CACNA1C: variants seen among roughly 807,000 people sequenced by gnomAD.
CACNA1C encodes calcium voltage-gated channel subunit alpha1 C.
Under a neutral mutation model 229.0 loss-of-function variants are expected in CACNA1C, and 30 were observed. That is an observed-to-expected ratio of 0.13 (90% confidence interval 0.10 to 0.18). The LOEUF is 0.18. Among genes scored for constraint, CACNA1C ranks in the 10% least tolerant of loss-of-function variants. The pLI is 1.00. For missense variants in CACNA1C, 1,658 were observed against 2,845.0 expected (o/e 0.58, Z 9.49); for synonymous variants, 1,114 against 1,132.5 (o/e 0.98, Z 0.33).
Position 2,633,838 on chromosome 12 carries a change from C to T in CACNA1C, c.3829-459C>T, listed in dbSNP as rs565608641. 38 of 636,478 alleles carry T rather than the reference C, an allele frequency of 6.0e-5. No homozygotes were observed. The highest frequency in any genetic ancestry group is 1.4e-4 in the South Asian group (7 of 49,582). 39.4% of individuals were successfully genotyped at this position (636,478 alleles called of 1,614,324 possible). On this transcript the variant is annotated intron_variant, in intron 29 of 46. Transcript: ENST00000399655. This position sits in a 1 kb window ranked among gnomAD's most constrained non-coding sequence, Gnocchi z 5.8. ...TTTTTTTTAATTTCCTGTTTTTACC[C>T]GCCTCCAGTCATGCCTTTTATTGAA...
At position 2,512,318 on chromosome 12, in the gene CACNA1C, G is replaced by T. The variant is rs1040236422; in HGVS notation, c.1218-494G>T. On this transcript the variant is annotated intron_variant, in intron 8 of 46. Coordinates refer to ENST00000399655, the MANE Select transcript of CACNA1C (RefSeq NM_000719.7). The surrounding 1 kb of genome is among the most constrained non-coding windows in gnomAD (Gnocchi z 4.3). ...TGAATGATTGGCTCTCAGGACCTGG[G>T]GCGAGTGAGTGGGCTTTGGTACACT... 2.6e-5 allele frequency among the ~76,000 whole-genome samples: 4 copies of T among 152,086 alleles called. No homozygotes were observed. The highest frequency in any genetic ancestry group is 5.9e-5 in the Non-Finnish European group (4 of 68,020).
chr12:2,442,693 A>T (rs958302632), intron 3 of CACNA1C, among the ~76,000 whole-genome samples: 1 of 152,234 alleles, frequency 6.6e-6, no homozygotes, highest in Non-Finnish European at 1.5e-5. Flanking sequence ...CTGTACAGGA[A>T]GCATAGTGCC....
At position 2,275,188 on chromosome 12, in the gene CACNA1C, G is replaced by A. The variant is rs2087189682; in HGVS notation, c.477+154758G>A. Among the ~76,000 whole-genome samples the A allele has an allele frequency of 2.0e-5, 3 of 152,214 alleles. No homozygotes were observed. Among genetic ancestry groups the A allele is most frequent in the Admixed American group, 1.3e-4 (2 of 15,288 alleles). ...TTAGTTGTGGCAGTGTGTTTGGTGT[G>A]TAATCATTGTCCTGCTAGCTAGCAG... On this transcript the variant is annotated intron_variant, in intron 3 of 46. Coordinates refer to ENST00000399655, the MANE Select transcript of CACNA1C (RefSeq NM_000719.7). This position sits in a 1 kb window ranked among gnomAD's most constrained non-coding sequence, Gnocchi z 4.1.
rs1441985226 is a variant in CACNA1C at position 2,682,555 on chromosome 12, A to G, written c.5450A>G (p.His1817Arg). ...CTTCATCTTGGATATTGTAGGTGCCACTCCCGGGAGAGCCAGGCAGCCATG... is the reference window on the plus strand; with the variant it reads ...CTTCATCTTGGATATTGTAGGTGCCGCTCCCGGGAGAGCCAGGCAGCCATG... ...VAWKLSSNRC[H>R]SRESQAAMAG... is the part of the protein sequence containing the mutation. Residue 1817 changes from histidine to arginine, a missense_variant, in exon 43 of 47, where the codon CAC becomes CGC. Transcript: ENST00000399655. 2 of 1,611,764 alleles carry G rather than the reference A, an allele frequency of 1.2e-6. No homozygotes were observed. Among genetic ancestry groups the G allele is most frequent in the South Asian group, 2.2e-5 (2 of 90,756 alleles).
At chr12:2,293,996 T>C (rs1308849754) in intron 3 of CACNA1C, among the ~76,000 whole-genome samples, 1 of 152,202 alleles carries the variant, frequency 6.6e-6, no homozygotes. Flanking sequence ...GAATCATTTA[T>C]TAACTTTCTA....
At chr12:2,675,727 G>A (rs1341354296) in intron 39 of CACNA1C, among the ~76,000 whole-genome samples, 2 of 152,268 alleles carry the variant, frequency 1.3e-5, no homozygotes, top group South Asian at 2.1e-4. Context: ...ATTATGTTCC[G>A]AGCCCAGAGA....
chr12:2,254,700 T>C (rs142073331), intron 3 of CACNA1C, among the ~76,000 whole-genome samples: 41 of 152,258 alleles, frequency 2.7e-4, no homozygotes, highest in Middle Eastern at 3.4e-3. Flanking sequence ...ATTGTGAGAT[T>C]TGCTATGGAG....
At chr12:1,976,583 C>T (rs2034435959) in intron 1 of CACNA1C, among the ~76,000 whole-genome samples, 2 of 152,122 alleles carry the variant, frequency 1.3e-5, no homozygotes, top group Admixed American at 1.3e-4. Context: ...CTGGGCAGAT[C>T]CCGAAGAGAA....
At chr12:2,265,871 T>C (rs2082198127) in intron 3 of CACNA1C, among the ~76,000 whole-genome samples, 1 of 152,238 alleles carries the variant, frequency 6.6e-6, no homozygotes, top group African/African-American at 2.4e-5. Context: ...CCTGCAGTTC[T>C]CTGTAGCCTC....
chr12:2,548,294 C>G (rs2099886052), intron 9 of CACNA1C, among the ~76,000 whole-genome samples: 1 of 152,214 alleles, frequency 6.6e-6, no homozygotes, highest in African/African-American at 2.4e-5. Context: ...TTTGGCTACT[C>G]ACTGCCCTCC....
intron 3 of CACNA1C, among the ~76,000 whole-genome samples, chr12:2,239,574 G>A (rs950330122): frequency 3.3e-5 from 5 of 152,106 alleles, no homozygotes; most frequent in Non-Finnish European, 7.4e-5. Context: ...ATTCTATCCC[G>A]ACAGTCTGTT....
intron 3 of CACNA1C, among the ~76,000 whole-genome samples, chr12:2,251,556 G>T (rs2075621171): frequency 1.3e-5 from 2 of 152,178 alleles, no homozygotes; most frequent in African/African-American, 4.8e-5. Context: ...CTGGCCTCCT[G>T]GATTCAGTGG....
At chr12:2,448,499 A>G (rs530168302) in intron 3 of CACNA1C, among the ~76,000 whole-genome samples, 6 of 151,842 alleles carry the variant, frequency 4.0e-5, no homozygotes, top group African/African-American at 1.5e-4. Flanking sequence ...TTTTGGAGGA[A>G]CTCGGCTAGT....
chr12:2,438,158 GGTA>G (rs931145609), intron 3 of CACNA1C, among the ~76,000 whole-genome samples: 4 of 77,598 alleles, frequency 5.2e-5, no homozygotes, highest in South Asian at 1.2e-3. Context: ...TAGTGGGGAT[GGTA>G]GTGGTGGTGG....
intron 3 of CACNA1C, among the ~76,000 whole-genome samples, chr12:2,356,522 C>T (rs1248677377): frequency 2.0e-5 from 3 of 152,342 alleles, no homozygotes; most frequent in Admixed American, 6.5e-5. Flanking sequence ...CTGGCTCAGG[C>T]GCTGCCCTTG....
Position 2,677,293 on chromosome 12 carries a change from C to G in CACNA1C, c.4956+72C>G, listed in dbSNP as rs747997429. 20 of 1,534,696 alleles carry G rather than the reference C, an allele frequency of 1.3e-5. No homozygotes were observed. In the South Asian group the frequency reaches 2.5e-4, roughly 19 times the overall value. On this transcript the variant is annotated intron_variant, in intron 40 of 46. Transcript: ENST00000399655. The surrounding 1 kb of genome is among the most constrained non-coding windows in gnomAD (Gnocchi z 7.4). The stretch of plus-strand genomic sequence containing the variant: ...TGCCTCTGACCTCCAGTCAGGGTCC[C>G]GGTCCCTCCCCAGCAGGCTGGAGGC...
At chr12:2,198,436 C>A (rs563599337) in intron 3 of CACNA1C, among the ~76,000 whole-genome samples, 243 of 152,210 alleles carry the variant, frequency 1.6e-3, no homozygotes, top group Middle Eastern at 3.4e-3. Context: ...GATGACTCAC[C>A]GTTTAACAAT....
chr12:2,660,785 C>G (rs2095675069), intron 34 of CACNA1C: 1 of 152,146 alleles, frequency 6.6e-6, no homozygotes, highest in African/African-American at 2.4e-5. Flanking sequence ...GATTGTTCCA[C>G]TACACTCTAG....
intron 3 of CACNA1C, among the ~76,000 whole-genome samples, chr12:2,404,046 C>T (rs1356332145): frequency 6.6e-6 from 1 of 152,236 alleles, no homozygotes; most frequent in Non-Finnish European, 1.5e-5. Flanking sequence ...AGGCTGGTCA[C>T]CTCTGGTTGT....
Sources: gnomAD v4.1 joint callset for allele counts (sites outside exome capture counted in the v4.1 genomes callset) on GRCh38, gnomAD v4.1.1 for gene constraint, Gnocchi (gnomAD v3.1) non-coding constraint, MANE v1.5 for transcripts, NCBI Gene and HGNC (gene_info 2026-07-23, HGNC 2026-07-21) for gene names.